The following PDK1 variants were observed in gnomAD, a reference collection of about 807,000 sequenced individuals.
The protein encoded by PDK1 is [Pyruvate dehydrogenase (acetyl-transferring)] kinase isozyme 1, mitochondrial.
PDK1 carries 39 observed loss-of-function variants against 54.2 expected under a neutral mutation model. That is an observed-to-expected ratio of 0.72 (90% CI 0.56 to 0.94). The LOEUF (loss-of-function observed/expected upper bound fraction) is 0.94, where lower values mean the gene tolerates loss of function less well. Ranked by LOEUF, PDK1 falls within the 40% of genes least tolerant of loss-of-function variation. The pLI is 0.00. For missense variants in PDK1, 552 were observed against 566.0 expected (o/e 0.98, Z 0.25); for synonymous variants, 221 against 207.1 (o/e 1.07, Z -0.58).
the PDK1 span, among the ~76,000 whole-genome samples, chr2:172,695,595 T>C: frequency 6.6e-6 from 1 of 152,114 alleles, no homozygotes. Flanking sequence ...TCCCAACCAA[T>C]AGTATATGGC....
chr2:172,565,592 A>G (rs1307115671), intron 5 of PDK1, among the ~76,000 whole-genome samples: 1 of 152,028 alleles, frequency 6.6e-6, no homozygotes, highest in East Asian at 1.9e-4. Flanking sequence ...TGAGCCACCG[A>G]GCCCAGCTGA....
chr2:172,609,291 G>A (rs1691391049), downstream of PDK1, among the ~76,000 whole-genome samples: 1 of 152,280 alleles, frequency 6.6e-6, no homozygotes, highest in East Asian at 1.9e-4. Context: ...AAAGGGGAGC[G>A]CTGCTGTACA....
chr2:172,565,664 A>G (rs971427019), intron 5 of PDK1, among the ~76,000 whole-genome samples: 14 of 152,186 alleles, frequency 9.2e-5, no homozygotes, highest in African/African-American at 2.7e-4. Flanking sequence ...TTCTTACACT[A>G]TGAGCAGTAA....
At chr2:172,562,176 C>A in intron 2 of PDK1, 44 bp from the exon 3 acceptor site, 1 of 1,057,918 alleles carries the variant, frequency 9.5e-7, no homozygotes, top group South Asian at 1.4e-5. Flanking sequence ...ATTGAACTTT[C>A]AGAATATAAA....
intron 8 of PDK1, among the ~76,000 whole-genome samples, chr2:172,585,123 A>T (rs1347222642): frequency 6.6e-6 from 1 of 151,842 alleles, no homozygotes; most frequent in African/African-American, 2.4e-5. Flanking sequence ...CAGCCTCCCA[A>T]GTAGCTGGGA....
chr2:172,599,701 A>C lies in PDK1; in HGVS notation c.*3732A>C, dbSNP rs1031619786. The stretch of plus-strand genomic sequence containing the variant: ...CATAAACTACTGTACCTTCTGTTCT[A>C]TTGACATGTTTGGAAAAAAGAATTG... On this transcript the variant is annotated 3_prime_UTR_variant, in exon 11 of 11. Transcript: ENST00000282077. 1 of 152,156 alleles carries C rather than the reference A, an allele frequency of 6.6e-6. No individual in the cohort carries two copies. Among genetic ancestry groups the C allele is most frequent in the African/African-American group, 2.4e-5 (1 of 41,448 alleles). 9.4% of individuals were successfully genotyped at this position (152,156 alleles called of 1,614,324 possible).
At chr2:172,558,624 C>A in intron 1 of PDK1, 84 bp from the exon 2 acceptor site, 1 of 1,253,662 alleles carries the variant, frequency 8.0e-7, no homozygotes. Context: ...TGCCGGATAA[C>A]TTCCTCTCTA....
chr2:172,589,941 G>A (rs1363290054), intron 9 of PDK1, among the ~76,000 whole-genome samples: 1 of 152,216 alleles, frequency 6.6e-6, no homozygotes, highest in Non-Finnish European at 1.5e-5. Context: ...AGCAAGAGGT[G>A]TAGTTGTGCT....
the PDK1 span, among the ~76,000 whole-genome samples, chr2:172,697,960 C>T: frequency 3.3e-5 from 5 of 152,232 alleles, no homozygotes; most frequent in East Asian, 3.9e-4. Flanking sequence ...AGCATCTCAC[C>T]GGAAAACTAG....
At chr2:172,696,518 A>G in the PDK1 span, among the ~76,000 whole-genome samples, 21 of 152,182 alleles carry the variant, frequency 1.4e-4, no homozygotes, top group African/African-American at 4.6e-4. Flanking sequence ...GGCCATTTTG[A>G]TTTAGCTGCT....
At chr2:172,593,903 A>G (rs531854155) in intron 10 of PDK1, among the ~76,000 whole-genome samples, 1 of 152,122 alleles carries the variant, frequency 6.6e-6, no homozygotes, top group South Asian at 2.1e-4. Flanking sequence ...GATGGCATCT[A>G]TTTTATAGGA....
chr2:172,559,418 C>A (rs978246395), intron 2 of PDK1, among the ~76,000 whole-genome samples: 1 of 152,134 alleles, frequency 6.6e-6, no homozygotes, highest in Non-Finnish European at 1.5e-5. Context: ...AGTATATCTT[C>A]AAGGATATTA....
At chr2:172,717,195 AG>A in the PDK1 span, among the ~76,000 whole-genome samples, 1 of 152,152 alleles carries the variant, frequency 6.6e-6, no homozygotes, top group South Asian at 2.1e-4. Flanking sequence ...TGCTCACTCT[AG>A]GGGAAACCAT....
At chr2:172,585,993 G>C (rs142979485) in intron 8 of PDK1, among the ~76,000 whole-genome samples, 2,687 of 151,984 alleles carry the variant, frequency 0.018, 88 homozygotes, top group African/African-American at 0.062. Context: ...GTGAAACCCT[G>C]CCTCTACTAA....
chr2:172,625,535 T>A, the PDK1 span, among the ~76,000 whole-genome samples: 3 of 152,188 alleles, frequency 2.0e-5, no homozygotes, highest in Admixed American at 1.3e-4. Context: ...TTGGAACATA[T>A]TTTTCTTTAG....
the PDK1 span, among the ~76,000 whole-genome samples, chr2:172,669,644 A>T: frequency 6.6e-6 from 1 of 152,206 alleles, no homozygotes; most frequent in South Asian, 2.1e-4. Flanking sequence ...CCAGTGTATC[A>T]GAGCTTCTTT....
the PDK1 span, among the ~76,000 whole-genome samples, chr2:172,661,791 G>A: frequency 6.6e-6 from 1 of 152,128 alleles, no homozygotes; most frequent in South Asian, 2.1e-4. Flanking sequence ...ATAAACAATA[G>A]GGACTATGAG....
At chr2:172,560,548 T>C (rs1446854710) in intron 2 of PDK1, among the ~76,000 whole-genome samples, 1 of 152,122 alleles carries the variant, frequency 6.6e-6, no homozygotes, top group Non-Finnish European at 1.5e-5. Flanking sequence ...GATAGTGGAG[T>C]TGGGATTCAA....
At chr2:172,619,255 A>G in the PDK1 span, among the ~76,000 whole-genome samples, 7 of 152,090 alleles carry the variant, frequency 4.6e-5, no homozygotes, top group Non-Finnish European at 1.5e-5. Context: ...TGGGCAGGAG[A>G]AAACCCTCAA....
Sources: gnomAD v4.1 joint callset for allele counts (sites outside exome capture counted in the v4.1 genomes callset) on GRCh38, gnomAD v4.1.1 for gene constraint, MANE v1.5 for transcripts, NCBI Gene and HGNC (gene_info 2026-07-23, HGNC 2026-07-21) for gene names.